Variants in SGCD observed in about 807,000 individuals in gnomAD.
The protein encoded by SGCD is delta-sarcoglycan.
SGCD carries 18 observed loss-of-function variants against 36.6 expected under a neutral mutation model. That is an observed-to-expected ratio of 0.49 (90% CI 0.34 to 0.73). The LOEUF (loss-of-function observed/expected upper bound fraction) is 0.73. Ranked by LOEUF, SGCD falls within the 30% of genes least tolerant of loss-of-function variation. The probability of loss-of-function intolerance (pLI) is 0.01; values close to 1 mark genes in which losing one functional copy is unlikely to be tolerated. For missense variants in SGCD, 387 were observed against 346.7 expected (o/e 1.12, Z -0.92); for synonymous variants, 133 against 130.6 (o/e 1.02, Z -0.12).
chr5:155,954,163 T>A (rs1056166602), intron 1 of SGCD, among the ~76,000 whole-genome samples: 2 of 152,180 alleles, frequency 1.3e-5, no homozygotes, highest in Non-Finnish European at 2.9e-5. Context: ...GTACTGTTTT[T>A]CTATTTGTAA....
At chr5:156,300,252 C>T (rs936636064) in intron 3 of SGCD, among the ~76,000 whole-genome samples, 3 of 151,884 alleles carry the variant, frequency 2.0e-5, no homozygotes, top group African/African-American at 7.2e-5. Context: ...TTTGTAGGCA[C>T]TTATAGCTAT....
At chr5:156,227,605 A>G (rs1764891198) in intron 3 of SGCD, among the ~76,000 whole-genome samples, 2 of 151,846 alleles carry the variant, frequency 1.3e-5, no homozygotes, top group African/African-American at 4.8e-5. Flanking sequence ...TTGGTTCCAT[A>G]TGAATTTTAG....
the SGCD span, among the ~76,000 whole-genome samples, chr5:155,740,563 G>A: frequency 6.6e-6 from 1 of 152,090 alleles, no homozygotes; most frequent in Non-Finnish European, 1.5e-5. Context: ...TGGCCCATGC[G>A]CTCAATCTTA....
intron 3 of SGCD, among the ~76,000 whole-genome samples, chr5:156,209,102 G>T (rs895178575): frequency 6.6e-6 from 1 of 152,086 alleles, no homozygotes; most frequent in East Asian, 1.9e-4. Context: ...CACTAGACAG[G>T]CCCCCCACAG....
chr5:155,869,730 G>T (rs1755594940), upstream of SGCD, among the ~76,000 whole-genome samples: 1 of 152,066 alleles, frequency 6.6e-6, no homozygotes, highest in Non-Finnish European at 1.5e-5. Flanking sequence ...GCCGGGCATG[G>T]TGGCTCATGC....
At chr5:156,338,201 A>G (rs1768460558) in intron 2 of SGCD, among the ~76,000 whole-genome samples, 2 of 152,240 alleles carry the variant, frequency 1.3e-5, no homozygotes, top group Non-Finnish European at 2.9e-5. Flanking sequence ...CCCTGAAAAC[A>G]TAATGCATTT....
At chr5:155,749,215 G>A in the SGCD span, among the ~76,000 whole-genome samples, 1 of 152,136 alleles carries the variant, frequency 6.6e-6, no homozygotes, top group Non-Finnish European at 1.5e-5. Flanking sequence ...ATAGAGGGGT[G>A]AACTAAGACT....
the SGCD span, among the ~76,000 whole-genome samples, chr5:155,740,243 C>T: frequency 0.011 from 1,733 of 152,278 alleles, 39 homozygotes; most frequent in African/African-American, 0.039. Context: ...GGACTACAGA[C>T]AGAAGCCAGC....
the SGCD span, among the ~76,000 whole-genome samples, chr5:155,856,075 A>G: frequency 6.6e-6 from 1 of 152,242 alleles, no homozygotes; most frequent in African/African-American, 2.4e-5. Context: ...TGCAGAAGAA[A>G]CTTTTAATGA....
intron 3 of SGCD, among the ~76,000 whole-genome samples, chr5:156,272,141 T>C (rs988716889): frequency 1.3e-5 from 2 of 152,172 alleles, no homozygotes; most frequent in African/African-American, 4.8e-5. Flanking sequence ...GTACCCAATA[T>C]ATTGTCTGTT....
At chr5:155,811,524 A>T in the SGCD span, among the ~76,000 whole-genome samples, 5 of 152,324 alleles carry the variant, frequency 3.3e-5, no homozygotes, top group East Asian at 9.6e-4. Context: ...TATTGAAGTC[A>T]TTAAGCTGGG....
chr5:156,081,403 T>G (rs2127591625), intron 1 of SGCD, among the ~76,000 whole-genome samples: 1 of 152,234 alleles, frequency 6.6e-6, no homozygotes, highest in Admixed American at 6.5e-5. Context: ...TAGCACTTTT[T>G]TTTTCTTTGA....
intron 1 of SGCD, among the ~76,000 whole-genome samples, chr5:156,083,611 T>C (rs1162247641): frequency 1.4e-5 from 2 of 147,800 alleles, no homozygotes; most frequent in Non-Finnish European, 3.0e-5. Context: ...TTTTTTTTTT[T>C]CCTTTTATGG....
intron 1 of SGCD, among the ~76,000 whole-genome samples, chr5:156,068,074 C>G (rs1035501655): frequency 1.3e-5 from 2 of 151,578 alleles, no homozygotes; most frequent in East Asian, 3.9e-4. Context: ...CCTGCAGTGG[C>G]CTGTGATGTC....
At chr5:156,593,732 A>G (rs1760817102) in intron 5 of SGCD, among the ~76,000 whole-genome samples, 1 of 152,116 alleles carries the variant, frequency 6.6e-6, no homozygotes, top group East Asian at 1.9e-4. Flanking sequence ...CCCTCACTGC[A>G]ATGAGTAATA....
At chr5:155,747,745 T>A in the SGCD span, among the ~76,000 whole-genome samples, 2 of 152,184 alleles carry the variant, frequency 1.3e-5, no homozygotes, top group East Asian at 3.8e-4. Flanking sequence ...ATGGGAAATC[T>A]TTGAGTTGTT....
At chr5:156,089,931 T>G (rs1270845269) in intron 1 of SGCD, among the ~76,000 whole-genome samples, 3 of 152,156 alleles carry the variant, frequency 2.0e-5, no homozygotes, top group Non-Finnish European at 4.4e-5. Context: ...ACAGTTAATC[T>G]GGGTCTGTTT....
chr5:156,146,562 A>T (rs180801142), intron 3 of SGCD, among the ~76,000 whole-genome samples: 1 of 152,372 alleles, frequency 6.6e-6, no homozygotes, highest in East Asian at 1.9e-4. Context: ...ATTACTTAAC[A>T]TTACAACTCT....
chr5:156,647,744 G>T, intron 7 of SGCD, among the ~76,000 whole-genome samples: 1 of 152,080 alleles, frequency 6.6e-6, no homozygotes, highest in East Asian at 1.9e-4. Flanking sequence ...GTAAAAGGTT[G>T]CCCACTTTGT....
Sources: allele counts gnomAD v4.1 joint callset (sites outside exome capture counted in the v4.1 genomes callset), GRCh38; gene constraint gnomAD v4.1.1; transcripts MANE v1.5; gene names NCBI Gene and HGNC (gene_info 2026-07-23, HGNC 2026-07-21).